The following MXI1 variants were observed in gnomAD, a reference collection of about 807,000 sequenced individuals.
MXI1 encodes the protein max-interacting protein 1.
A neutral mutation model predicts 36.9 loss-of-function variants in MXI1; 18 were observed. The ratio of observed to expected loss-of-function variants is 0.49; its 90% CI spans 0.34 to 0.72. The LOEUF is 0.72. MXI1 is among the 30% of genes least tolerant of loss of function. MXI1 has a pLI of 0.01. For missense variants in MXI1, 304 were observed against 379.1 expected, an observed-to-expected ratio of 0.80 and a Z score of 1.64; for synonymous variants, 160 against 146.7, an observed-to-expected ratio of 1.09 and a Z score of -0.65.
Position 110,255,423 on chromosome 10 carries a change from T to C in MXI1, c.437+10566T>C, listed in dbSNP as rs73356801. Among the ~76,000 whole-genome samples, 1,386 of 152,358 alleles carry C rather than the reference T, an allele frequency of 9.1e-3. 14 individuals are homozygous for C. Among genetic ancestry groups the C allele is most frequent in the East Asian group, 0.027 (140 of 5,188 alleles). ...ATGTATGCTAACACAACATCCATTC[T>C]GCAGCCCATTGGACCAAGGTGTGAT... On this transcript the variant is annotated intron_variant, in intron 3 of 5. Coordinates refer to ENST00000332674, the MANE Select transcript of MXI1 (RefSeq NM_130439.3).
chr10:110,208,415 TCTTC>T (rs1310057385), intron 1 of MXI1: 4 of 169,540 alleles, frequency 2.4e-5, no homozygotes, highest in South Asian at 1.5e-4. Context: ...AGGTCGCTTT[TCTTC>T]CTTTTTTTTT....
chr10:110,242,290 A>C (rs1328313998), intron 2 of MXI1, among the ~76,000 whole-genome samples: 1 of 152,012 alleles, frequency 6.6e-6, no homozygotes, highest in Non-Finnish European at 1.5e-5. Flanking sequence ...TTCAGTTATA[A>C]TTATTGCTAA....
chr10:110,219,128 T>G (rs1854731401), intron 1 of MXI1, among the ~76,000 whole-genome samples: 1 of 152,092 alleles, frequency 6.6e-6, no homozygotes, highest in Non-Finnish European at 1.5e-5. Context: ...GGTGAAACCC[T>G]GTCTCTACTA....
chr10:110,282,820 G>A lies in MXI1; in HGVS notation c.725-2004G>A, dbSNP rs571099834. On this transcript the variant is annotated intron_variant, in intron 5 of 5. Coordinates refer to ENST00000332674, the MANE Select transcript of MXI1 (RefSeq NM_130439.3). ...GTTTCTCATTTTACTTTGTTTTTTTGGGTTTTTAAAAAATTTTTTTAAACA... is the reference window on the plus strand; with the variant it reads ...GTTTCTCATTTTACTTTGTTTTTTTAGGTTTTTAAAAAATTTTTTTAAACA... Among the ~76,000 whole-genome samples, 13 of 151,806 alleles carry A rather than the reference G, an allele frequency of 8.6e-5. No individual in the cohort carries two copies. The South Asian group carries it at 2.7e-3, about 32-fold the overall frequency.
Position 110,228,271 on chromosome 10 carries a change from C to G in MXI1, c.357C>G (p.Ser119Arg). 6.2e-7 allele frequency: 1 copy of G among 1,614,146 alleles called. No individual in the cohort carries two copies. Among genetic ancestry groups the G allele is most frequent in the South Asian group, 1.1e-5 (1 of 91,078 alleles). ...LQHSKPPRRL[S>R]RAQKHSSGSS... Reference sequence around the variant, plus strand: ...ATTCAAAGCCCCCACGGAGGTTGAGCCGGGCACAGAAACACAGCAGCGGGA... The same window carrying G: ...ATTCAAAGCCCCCACGGAGGTTGAGGCGGGCACAGAAACACAGCAGCGGGA... Residue 119 changes from serine (S) to arginine (R), a missense_variant, in exon 2 of 6, where the codon AGC becomes AGG. Coordinates refer to ENST00000332674, the MANE Select transcript of MXI1 (RefSeq NM_130439.3).
chr10:110,228,023 T>C (rs879211054), intron 1 of MXI1, 166 bp from the exon 2 acceptor site: 2 of 694,756 alleles, frequency 2.9e-6, no homozygotes, highest in South Asian at 3.7e-5. Flanking sequence ...GTCACAGGAT[T>C]GATGTCCAGG....
intron 4 of MXI1, among the ~76,000 whole-genome samples, chr10:110,279,556 G>T (rs1244801051): frequency 1.3e-5 from 2 of 152,210 alleles, no homozygotes; most frequent in Admixed American, 6.5e-5. Context: ...TCGGAAGGCA[G>T]TTGTGCCCTC....
intron 5 of MXI1, among the ~76,000 whole-genome samples, chr10:110,281,984 G>A (rs1025399424): frequency 7.2e-5 from 11 of 152,048 alleles, no homozygotes; most frequent in Admixed American, 2.0e-4. Flanking sequence ...TTTTCTAATT[G>A]TGTCATTCCT....
intron 3 of MXI1, among the ~76,000 whole-genome samples, chr10:110,245,262 T>C (rs1855821468): frequency 6.6e-6 from 1 of 152,184 alleles, no homozygotes. Flanking sequence ...CATTTATTCA[T>C]GCATTCAACA....
At chr10:110,228,761 G>A (rs781706655) in intron 2 of MXI1, among the ~76,000 whole-genome samples, 5 of 152,160 alleles carry the variant, frequency 3.3e-5, no homozygotes, top group African/African-American at 4.8e-5. Context: ...GGTAGTGAGC[G>A]GATGTGGTTA....
rs1168819261 is a variant in MXI1, at chr10:110,284,909, T to C, written c.810T>C (p.Asp270=). The C allele has an allele frequency of 1.9e-6, 3 of 1,614,056 alleles. No individual in the cohort carries two copies. Among genetic ancestry groups the C allele is most frequent in the African/African-American group, 2.7e-5 (2 of 74,990 alleles). The change falls in exon 6 of 6, where the codon GAT becomes GAC. Residue 270 remains aspartate, a synonymous_variant. Transcript: ENST00000332674. The part of the protein sequence containing the change: ...NISTTSISDI[D]DHSSLPSIGS... ...GTACCACCAGCATCAGTGACATTGA[T>C]GACCACAGCAGCCTGCCGAGTATTG...
intron 2 of MXI1, among the ~76,000 whole-genome samples, chr10:110,236,115 G>A (rs556750885): frequency 4.3e-4 from 52 of 121,310 alleles, no homozygotes; most frequent in African/African-American, 1.4e-3. Flanking sequence ...TGAAGTAAAG[G>A]TTGAAGTTCT....
intron 1 of MXI1, among the ~76,000 whole-genome samples, chr10:110,217,723 T>G (rs1463072469): frequency 6.6e-6 from 1 of 152,198 alleles, no homozygotes; most frequent in East Asian, 1.9e-4. Flanking sequence ...AAGTGAAGCA[T>G]GTATGATCTC....
chr10:110,217,636 T>G (rs1318156865), intron 1 of MXI1, among the ~76,000 whole-genome samples: 1 of 152,240 alleles, frequency 6.6e-6, no homozygotes, highest in African/African-American at 2.4e-5. Context: ...GAGCTAAGTT[T>G]TTGTTGAACT....
chr10:110,262,524 G>C (rs550961921), intron 3 of MXI1, among the ~76,000 whole-genome samples: 8 of 152,122 alleles, frequency 5.3e-5, no homozygotes, highest in African/African-American at 1.7e-4. Flanking sequence ...GAGATTCAAG[G>C]GGAAACGATC....
intron 2 of MXI1, among the ~76,000 whole-genome samples, chr10:110,230,996 G>A (rs977246191): frequency 4.6e-5 from 7 of 152,140 alleles, no homozygotes; most frequent in Non-Finnish European, 8.8e-5. Flanking sequence ...CTCTGACATC[G>A]TAGCATCTTT....
At chr10:110,273,012 A>G (rs140994503) in intron 3 of MXI1, among the ~76,000 whole-genome samples, 44 of 149,558 alleles carry the variant, frequency 2.9e-4, no homozygotes, top group African/African-American at 1.0e-3. Context: ...CGATTATCAA[A>G]TGCCATTTTG....
At chr10:110,224,177 C>T (rs73356718) in intron 1 of MXI1, among the ~76,000 whole-genome samples, 12,925 of 152,084 alleles carry the variant, frequency 0.085, 1,637 homozygotes, top group African/African-American at 0.28. Context: ...GGGGAAACTC[C>T]CCCCTCACCA....
intron 2 of MXI1, among the ~76,000 whole-genome samples, chr10:110,243,191 CGAGTCTCTGT>C (rs1211039930): frequency 6.6e-6 from 1 of 151,894 alleles, no homozygotes; most frequent in African/African-American, 2.4e-5. Context: ...TTTTGAGCTC[CGAGTCTCTGT>C]TAAACTAGGA....
Sources: gnomAD v4.1 joint callset for allele counts (sites outside exome capture counted in the v4.1 genomes callset) on GRCh38, gnomAD v4.1.1 for gene constraint, MANE v1.5 for transcripts, NCBI Gene and HGNC (gene_info 2026-07-23, HGNC 2026-07-21) for gene names.